The following SRGAP3 variants were observed in gnomAD, a reference collection of about 807,000 sequenced individuals.
SRGAP3 encodes SLIT-ROBO Rho GTPase activating protein 3, also known as SLIT-ROBO Rho GTPase-activating protein 3.
A neutral mutation model predicts 121.1 loss-of-function variants in SRGAP3; 39 were observed. The ratio of observed to expected loss-of-function variants is 0.32; its 90% CI spans 0.25 to 0.42. SRGAP3 has a LOEUF of 0.42. Ranked by LOEUF, SRGAP3 falls within the 10% of genes least tolerant of loss-of-function variation. SRGAP3 has a pLI of 1.00. For missense variants in SRGAP3, 1,213 were observed against 1,470.6 expected (o/e 0.82, Z 2.86); for synonymous variants, 601 against 570.0 (o/e 1.05, Z -0.77).
chr3:9,248,811 G>T, intron 1 of SRGAP3, 74 bp downstream of exon 1: 1 of 1,462,414 alleles, frequency 6.8e-7, no homozygotes, highest in Non-Finnish European at 9.6e-7. Context: ...ACGGGGGGCA[G>T]CGGGGGATGG....
At chr3:9,086,741 T>G (rs112738211) in intron 3 of SRGAP3, among the ~76,000 whole-genome samples, 1 of 146,622 alleles carries the variant, frequency 6.8e-6, no homozygotes, top group African/African-American at 2.5e-5. Context: ...GTATTTTATA[T>G]GTATATATGT....
intron 1 of SRGAP3, among the ~76,000 whole-genome samples, chr3:9,229,376 G>A (rs1381356303): frequency 5.9e-5 from 9 of 152,126 alleles, no homozygotes; most frequent in Non-Finnish European, 1.2e-4. Context: ...TACTCCAGCT[G>A]TCCCCCAAGG....
rs779813783 is a variant in SRGAP3 at position 9,064,613 on chromosome 3, C to G, written c.487-32G>C. Reference sequence around the variant, plus strand: ...GTGCACAAGTAGGGGAAATCAGCAGCCAGCTATGGCCCAGCACGGCCCTCC... The same window carrying G: ...GTGCACAAGTAGGGGAAATCAGCAGGCAGCTATGGCCCAGCACGGCCCTCC... On this transcript the variant is annotated intron_variant, in intron 4 of 21. Transcript: ENST00000383836. 1.1e-5 allele frequency: 17 copies of G among 1,612,948 alleles called. No homozygotes were observed. In the Admixed American group the frequency reaches 2.3e-4, roughly 22 times the overall value.
At chr3:9,285,139 A>G (rs973408696) in intron 3 of SRGAP3, among the ~76,000 whole-genome samples, 1 of 152,212 alleles carries the variant, frequency 6.6e-6, no homozygotes, top group Non-Finnish European at 1.5e-5. Context: ...TTTCATTGTT[A>G]TCACATACTG....
At chr3:9,297,702 C>T (rs1400592710) in intron 3 of SRGAP3, among the ~76,000 whole-genome samples, 8 of 152,040 alleles carry the variant, frequency 5.3e-5, no homozygotes, top group Non-Finnish European at 7.4e-5. Context: ...TCGAGACCAG[C>T]CTGGCCAACG....
At position 9,032,605 on chromosome 3, in the gene SRGAP3, T is replaced by C. The variant is rs1944542888; in HGVS notation, c.1539+45A>G. On this transcript the variant is annotated intron_variant, in intron 12 of 21. Transcript: ENST00000383836. ...GGAGGCGGGCGGACAGAGGCTGCCA[T>C]TACATTGGGTGCATTCGCGGACTCC... 5.1e-6 allele frequency: 8 copies of C among 1,569,214 alleles called. No homozygotes were observed. In the East Asian group the frequency reaches 1.8e-4, roughly 35 times the overall value.
intron 10 of SRGAP3, among the ~76,000 whole-genome samples, chr3:9,039,821 T>A (rs1037506826): frequency 3.3e-5 from 5 of 152,252 alleles, no homozygotes; most frequent in Non-Finnish European, 7.3e-5. Flanking sequence ...AATTCATTTC[T>A]TCATATGACT....
chr3:9,086,659 C>T (rs920587176), intron 3 of SRGAP3, among the ~76,000 whole-genome samples: 2 of 133,334 alleles, frequency 1.5e-5, no homozygotes, highest in South Asian at 2.4e-4. Flanking sequence ...ATATGAAATA[C>T]ATATTATATG....
chr3:9,351,049 C>T (rs994750410), intron 1 of SRGAP3, among the ~76,000 whole-genome samples: 4 of 152,054 alleles, frequency 2.6e-5, no homozygotes, highest in African/African-American at 9.7e-5. Context: ...GGTCTTTCAA[C>T]ATGCAAGAGT....
chr3:9,058,745 A>T (rs1574997135), intron 6 of SRGAP3: 2 of 378,452 alleles, frequency 5.3e-6, no homozygotes, highest in Admixed American at 5.1e-5. Flanking sequence ...TTTGAGACGG[A>T]GTCTAGCTCT....
chr3:9,296,368 T>C (rs1454399045), intron 3 of SRGAP3, among the ~76,000 whole-genome samples: 3 of 152,200 alleles, frequency 2.0e-5, no homozygotes, highest in Admixed American at 6.5e-5. Context: ...GTGTCTTCAG[T>C]TTGCATTTCC....
At chr3:9,082,071 G>A (rs1048289205) in intron 3 of SRGAP3, among the ~76,000 whole-genome samples, 1 of 152,190 alleles carries the variant, frequency 6.6e-6, no homozygotes, top group African/African-American at 2.4e-5. Flanking sequence ...TTTGCATCAT[G>A]GGGGTGAACG....
chr3:9,219,046 G>T (rs1184464788), intron 1 of SRGAP3, among the ~76,000 whole-genome samples: 1 of 151,506 alleles, frequency 6.6e-6, no homozygotes, highest in African/African-American at 2.4e-5. Flanking sequence ...TGTTCCCCAG[G>T]CTGGTCTTGA....
At chr3:9,226,753 C>T (rs745629901) in intron 1 of SRGAP3, among the ~76,000 whole-genome samples, 13 of 152,146 alleles carry the variant, frequency 8.5e-5, no homozygotes, top group Admixed American at 1.3e-4. Flanking sequence ...GATGAGATGG[C>T]CATCCATTCA....
At chr3:9,345,860 G>A (rs1212997581) in intron 1 of SRGAP3, among the ~76,000 whole-genome samples, 2 of 150,788 alleles carry the variant, frequency 1.3e-5, no homozygotes, top group Non-Finnish European at 2.9e-5. Context: ...CCAGAAACAA[G>A]ACTGTCATAG....
chr3:9,021,553 GA>G (rs566856031), intron 14 of SRGAP3, among the ~76,000 whole-genome samples: 9 of 148,000 alleles, frequency 6.1e-5, no homozygotes, highest in Middle Eastern at 3.4e-3. Flanking sequence ...ATATGAGAAG[GA>G]AAAAAAAAAG....
chr3:9,308,020 T>A (rs958296020), intron 3 of SRGAP3, among the ~76,000 whole-genome samples: 1 of 152,182 alleles, frequency 6.6e-6, no homozygotes, highest in Non-Finnish European at 1.5e-5. Context: ...CTGGACGTGG[T>A]GGTGCATGCC....
chr3:9,175,262 G>A (rs1182217636), intron 1 of SRGAP3, among the ~76,000 whole-genome samples: 2 of 152,028 alleles, frequency 1.3e-5, no homozygotes, highest in Admixed American at 6.6e-5. Context: ...TCTCTAACAG[G>A]GCACTTCACC....
In SRGAP3 at chr3:9,159,088, C is replaced by A. The variant is rs111412540; in HGVS notation, c.68-34171G>T. ...GGTCAAAGGGCCTCTGTTCCAGGTT[C>A]CAACTCGTGTTCTGTACTGGGGTCC... On this transcript the variant is annotated intron_variant, in intron 1 of 21. Coordinates refer to ENST00000383836, the MANE Select transcript of SRGAP3 (RefSeq NM_014850.4). Among the ~76,000 whole-genome samples the A allele has an allele frequency of 4.8e-4, 73 of 152,270 alleles. 1 individual carries two copies. Among genetic ancestry groups the A allele is most frequent in the African/African-American group, 1.7e-3 (72 of 41,550 alleles).
Sources: gnomAD v4.1 joint callset for allele counts (sites outside exome capture counted in the v4.1 genomes callset) on GRCh38, gnomAD v4.1.1 for gene constraint, MANE v1.5 for transcripts, NCBI Gene and HGNC (gene_info 2026-07-23, HGNC 2026-07-21) for gene names.